Variants in LRP5 observed in about 807,000 individuals in gnomAD.
The protein encoded by LRP5 is LDL receptor related protein 5.
In LRP5, 62 loss-of-function variants were observed where a neutral mutation model predicts 154.1. The ratio of observed to expected loss-of-function variants is 0.40; its 90% confidence interval spans 0.33 to 0.50. The LOEUF (loss-of-function observed/expected upper bound fraction) is 0.50. Among genes scored for constraint, LRP5 ranks in the 20% least tolerant of loss-of-function variants. The pLI, the probability that LRP5 is intolerant of heterozygous loss-of-function variation, is 0.55. For synonymous variants in LRP5, 966 were observed against 1,011.5 expected (o/e 0.96, Z 0.85); for missense variants, 1,915 against 2,336.7 (o/e 0.82, Z 3.72).
At chr11:68,390,959 TTTTTGTTTGA>T (rs936677043) in intron 7 of LRP5, among the ~76,000 whole-genome samples, 3 of 152,174 alleles carry the variant, frequency 2.0e-5, no homozygotes, top group South Asian at 2.1e-4. Flanking sequence ...TTGTTGTTTG[TTTTTGTTTGA>T]TTTTGTTTGA....
chr11:68,360,996 C>CAAAAA (rs71043425), intron 3 of LRP5, among the ~76,000 whole-genome samples: 1 of 15,744 alleles, frequency 6.4e-5, no homozygotes, highest in Non-Finnish European at 1.0e-4. Flanking sequence ...GACTCTATCT[C>CAAAAA]AAAAAAAAAA....
intron 1 of LRP5, among the ~76,000 whole-genome samples, chr11:68,324,971 C>T (rs1176818265): frequency 1.3e-5 from 2 of 152,240 alleles, no homozygotes. Context: ...GGGAGCCCTG[C>T]TCAGAGACCA....
At chr11:68,367,705 C>T (rs1370811669) in intron 5 of LRP5, among the ~76,000 whole-genome samples, 6 of 151,992 alleles carry the variant, frequency 3.9e-5, no homozygotes, top group Non-Finnish European at 8.8e-5. Flanking sequence ...CAGGGAGTGG[C>T]CACCACAGTC....
chr11:68,337,842 A>G (rs529636144), intron 1 of LRP5, among the ~76,000 whole-genome samples: 1 of 142,882 alleles, frequency 7.0e-6, no homozygotes, highest in South Asian at 2.2e-4. Flanking sequence ...AAACCTGCCA[A>G]CTCCACCCAC....
Position 68,403,591 on chromosome 11 carries a change from C to A in LRP5, c.1693C>A (p.Arg565Ser), listed in dbSNP as rs745350421. The A allele has an allele frequency of 3.1e-6, 5 of 1,614,162 alleles. No homozygotes were observed. The highest frequency in any genetic ancestry group is 4.2e-6 in the Non-Finnish European group (5 of 1,180,046). The change falls in exon 8 of 23, where the codon CGC becomes AGC. Residue 565 changes from arginine to serine, a missense_variant. Transcript: ENST00000294304. ...CTTCATCTACTGGACTGACTGGCAG[C>A]GCCGCAGCATCGAGCGGGTGCACAA... ...GDFIYWTDWQ[R>S]RSIERVHKVK...
intron 9 of LRP5, among the ~76,000 whole-genome samples, chr11:68,409,067 AAAAAAAAT>A (rs1362691563): frequency 1.6e-4 from 7 of 44,298 alleles, no homozygotes; most frequent in African/African-American, 5.0e-4. Flanking sequence ...AAAAAAAAAA[AAAAAAAAT>A]ATATATATAT....
At chr11:68,351,758 G>T (rs1373446459) in intron 2 of LRP5, among the ~76,000 whole-genome samples, 2 of 152,208 alleles carry the variant, frequency 1.3e-5, no homozygotes, top group Admixed American at 1.3e-4. Flanking sequence ...ATTTGAAAGG[G>T]ACGTGTGCGT....
At chr11:68,348,285 A>T (rs774110661) in intron 2 of LRP5, 42 bp downstream of exon 2, 64 of 1,598,968 alleles carry the variant, frequency 4.0e-5, no homozygotes, top group Non-Finnish European at 5.3e-5. Flanking sequence ...GGGGGCGGGG[A>T]GTGTCACCAT....
rs73513060 is a variant in LRP5, at chr11:68,375,108, G to A, written c.1015+9406G>A. Among the ~76,000 whole-genome samples, 599 of 152,324 alleles carry A rather than the reference G, an allele frequency of 3.9e-3. 7 individuals carry two copies. Among genetic ancestry groups the A allele is most frequent in the African/African-American group, 0.014 (579 of 41,578 alleles). ...TGCAGGGTGCGGGGCCTGGTGGGAC[G>A]CCCACGTTGCCCAGACAGAACCCTT... On this transcript the variant is annotated intron_variant, in intron 5 of 22. Coordinates refer to ENST00000294304, the MANE Select transcript of LRP5 (RefSeq NM_002335.4).
At chr11:68,323,194 T>C (rs982837641) in intron 1 of LRP5, among the ~76,000 whole-genome samples, 8 of 152,224 alleles carry the variant, frequency 5.3e-5, no homozygotes, top group African/African-American at 1.9e-4. Context: ...CTGCAACCTC[T>C]GCCTCCTGGG....
intron 3 of LRP5, among the ~76,000 whole-genome samples, chr11:68,361,298 C>G (rs2098627942): frequency 6.9e-6 from 1 of 145,694 alleles, no homozygotes; most frequent in South Asian, 2.2e-4. Flanking sequence ...GAGCGAGACT[C>G]TGTCTCAAAA....
intron 5 of LRP5, among the ~76,000 whole-genome samples, chr11:68,379,532 G>A (rs1454971173): frequency 6.6e-6 from 1 of 152,140 alleles, no homozygotes; most frequent in Non-Finnish European, 1.5e-5. Context: ...AGCTCTGAGC[G>A]GCTCCCTTCT....
chr11:68,378,644 TA>T lies in LRP5; in HGVS notation c.1016-7666del, dbSNP rs985684516. Among the ~76,000 whole-genome samples the T allele has an allele frequency of 2.0e-5, 3 of 152,302 alleles. No individual in the cohort carries two copies. The East Asian group carries it at 5.8e-4, about 29-fold the overall frequency. On this transcript the variant is annotated intron_variant, in intron 5 of 22. Transcript: ENST00000294304. ...GTTCGCTGTAGCAAGGAAAACATTA[TA>T]AAAAATAGTGAAGAAAATAGAAATT...
chr11:68,359,440 A>C (rs2153136960), intron 3 of LRP5, among the ~76,000 whole-genome samples: 1 of 152,258 alleles, frequency 6.6e-6, no homozygotes, highest in Admixed American at 6.5e-5. Context: ...TTGGGAGCTG[A>C]GTGATCTTAC....
intron 6 of LRP5, among the ~76,000 whole-genome samples, chr11:68,388,418 G>A (rs970031327): frequency 8.5e-5 from 13 of 152,096 alleles, no homozygotes; most frequent in Non-Finnish European, 1.8e-4. Flanking sequence ...CATGGGCTTG[G>A]CAGTCTGACC....
chr11:68,390,991 T>C (rs2153155917), intron 7 of LRP5, among the ~76,000 whole-genome samples: 1 of 152,348 alleles, frequency 6.6e-6, no homozygotes, highest in African/African-American at 2.4e-5. Flanking sequence ...TGTTTGTTTT[T>C]GTTGTCGTTG....
At chr11:68,321,488 G>A (rs868079240) in intron 1 of LRP5, among the ~76,000 whole-genome samples, 2 of 152,074 alleles carry the variant, frequency 1.3e-5, no homozygotes, top group South Asian at 2.1e-4. Flanking sequence ...GATTTTAAAT[G>A]GCCTCCGATG....
At position 68,379,830 on chromosome 11, in the gene LRP5, ATAT is replaced by A. The variant is rs374823135; in HGVS notation, c.1016-6482_1016-6480del. ...TTCCCCTATTGTAACTTTCTTTCTG[ATAT>A]TATAAAAGTCACTCATGGCTGGGCG... On this transcript the variant is annotated intron_variant, in intron 5 of 22. Coordinates refer to ENST00000294304, the MANE Select transcript of LRP5 (RefSeq NM_002335.4). 3.8e-3 allele frequency among the ~76,000 whole-genome samples: 575 copies of A among 151,860 alleles called. 6 individuals are homozygous for A. The highest frequency in any genetic ancestry group is 0.014 in the African/African-American group (561 of 41,398).
intron 7 of LRP5, among the ~76,000 whole-genome samples, chr11:68,395,370 AGG>A: frequency 6.6e-6 from 1 of 151,648 alleles, no homozygotes; most frequent in African/African-American, 2.4e-5. Flanking sequence ...CAGTAGCAGA[AGG>A]GGGATCGTGG....
Sources: allele counts gnomAD v4.1 joint callset (sites outside exome capture counted in the v4.1 genomes callset), GRCh38; gene constraint gnomAD v4.1.1; transcripts MANE v1.5; gene names NCBI Gene and HGNC (gene_info 2026-07-23, HGNC 2026-07-21).